MTDH: variants seen among roughly 807,000 people sequenced by gnomAD.
The protein encoded by MTDH is metadherin, also known as protein LYRIC.
In MTDH, 34 loss-of-function variants were observed where a neutral mutation model predicts 72.7. That is an observed-to-expected ratio of 0.47 (90% CI 0.36 to 0.62). The LOEUF (loss-of-function observed/expected upper bound fraction) is 0.62. MTDH is among the 20% of genes least tolerant of loss of function. The probability of loss-of-function intolerance (pLI) is 0.00; values close to 1 mark genes in which losing one functional copy is unlikely to be tolerated. For synonymous variants in MTDH, 266 were observed against 268.9 expected (o/e 0.99, Z 0.10); for missense variants, 677 against 699.4 (o/e 0.97, Z 0.36).
At chr8:97,713,230 G>A (rs1227574193) in intron 8 of MTDH, among the ~76,000 whole-genome samples, 9 of 152,050 alleles carry the variant, frequency 5.9e-5, no homozygotes, top group East Asian at 1.9e-4. Flanking sequence ...GACTACAGGC[G>A]CCTGCCATCA....
chr8:97,657,169 A>G (rs1275945715), intron 1 of MTDH, among the ~76,000 whole-genome samples: 1 of 152,116 alleles, frequency 6.6e-6, no homozygotes, highest in East Asian at 1.9e-4. Context: ...AAAAAGAAAG[A>G]TCCAGGTGTG....
intron 1 of MTDH, among the ~76,000 whole-genome samples, chr8:97,660,291 C>T (rs1488910137): frequency 5.9e-5 from 9 of 152,170 alleles, no homozygotes. Flanking sequence ...GCTTTTGTAG[C>T]CTTTTGTAGG....
rs768795659 is a variant in MTDH at position 97,719,166 on chromosome 8, G to A, written c.1498G>A (p.Glu500Lys). The part of the protein sequence containing the change: ...LKTISTSDPA[E>K]VLVKNSQPIK... The stretch of plus-strand genomic sequence containing the variant: ...GACCATAAGCACTAGTGATCCAGCC[G>A]AAGTACTCGTCAAAAATAGCCAGGT... Residue 500 changes from glutamate to lysine, a missense_variant, in exon 10 of 12, where the codon GAA becomes AAA. This residue lies in a region of MTDH where 201 missense variants were observed against 204.5 expected (regional missense o/e 0.98). Coordinates refer to ENST00000336273, the MANE Select transcript of MTDH (RefSeq NM_178812.4). The A allele has an allele frequency of 6.2e-6, 10 of 1,610,506 alleles. No individual in the cohort carries two copies. The highest frequency in any genetic ancestry group is 3.4e-5 in the Admixed American group (2 of 58,704).
Position 97,644,467 on chromosome 8 carries a change from C to A in MTDH, c.-40C>A. 6.5e-7 allele frequency: 1 copy of A among 1,531,498 alleles called. No individual in the cohort carries two copies. The highest frequency in any genetic ancestry group is 8.7e-7 in the Non-Finnish European group (1 of 1,147,472). 94.9% of individuals were successfully genotyped at this position (1,531,498 alleles called of 1,614,324 possible). A position where few individuals can be genotyped will look rare whatever the true frequency, so the allele number is the denominator to read the frequency against. The stretch of plus-strand genomic sequence containing the variant: ...TCGACTATTCCACTGCGTCTCCGCG[C>A]CCCGGCGTCATCCTGCGAGTCCCTC... On this transcript the variant is annotated 5_prime_UTR_variant, in exon 1 of 12. Coordinates refer to ENST00000336273, the MANE Select transcript of MTDH (RefSeq NM_178812.4).
chr8:97,690,785 G>A (rs1813572881), intron 5 of MTDH, among the ~76,000 whole-genome samples, 167 bp from the exon 6 acceptor site: 1 of 152,176 alleles, frequency 6.6e-6, no homozygotes, highest in Admixed American at 6.5e-5. Flanking sequence ...TAGTATATAT[G>A]TTATGTTCAA....
At chr8:97,702,842 G>A (rs17825342) in intron 7 of MTDH, among the ~76,000 whole-genome samples, 6,702 of 151,602 alleles carry the variant, frequency 0.044, 205 homozygotes, top group Non-Finnish European at 0.067. Flanking sequence ...AAAGACTAGC[G>A]AAGAGATACT....
chr8:97,706,549 C>A, intron 7 of MTDH, 77 bp from the exon 8 acceptor site: 1 of 1,364,680 alleles, frequency 7.3e-7, no homozygotes, highest in Non-Finnish European at 9.7e-7. Flanking sequence ...CTTAGTTGAA[C>A]ATAAGGAATT....
intron 7 of MTDH, 27 bp downstream of exon 7, chr8:97,699,879 AT>A (rs76537339): frequency 0.22 from 323,459 of 1,459,136 alleles, 39,139 homozygotes; most frequent in East Asian, 0.36. Flanking sequence ...ATTATCAGTT[AT>A]TTTTTTTCAG....
At chr8:97,675,731 G>T (rs952445689) in intron 2 of MTDH, among the ~76,000 whole-genome samples, 1 of 151,756 alleles carries the variant, frequency 6.6e-6, no homozygotes, top group African/African-American at 2.4e-5. Flanking sequence ...AATTAGCCTG[G>T]TGTGGTAGCG....
chr8:97,713,789 A>G lies in MTDH; in HGVS notation c.1380+20A>G. The G allele has an allele frequency of 6.9e-7, 1 of 1,448,844 alleles. No individual in the cohort carries two copies. Among genetic ancestry groups the G allele is most frequent in the Non-Finnish European group, 9.3e-7 (1 of 1,069,620 alleles). 89.7% of individuals were successfully genotyped at this position (1,448,844 alleles called of 1,614,324 possible). ...GCACAGGTAAAATGTCAGAACAACA[A>G]GCATTCATTAAGCGCCTCCGGCTTA... On this transcript the variant is annotated intron_variant, in intron 9 of 11. Transcript: ENST00000336273.
At chr8:97,715,005 A>G (rs1814803843) in intron 9 of MTDH, among the ~76,000 whole-genome samples, 1 of 151,552 alleles carries the variant, frequency 6.6e-6, no homozygotes, top group African/African-American at 2.4e-5. Context: ...TTTGTATTTT[A>G]GTAGAGACAG....
Position 97,682,249 on chromosome 8 carries a change from TATATATATATATATATATATATATATATA to T in MTDH, c.484-4418_484-4390del, listed in dbSNP as rs1563542345. On this transcript the variant is annotated intron_variant, in intron 2 of 11. Transcript: ENST00000336273. Reference sequence around the variant, plus strand: ...ATTACTTTATATATATATATATATATATATATATATATATATATATATATATATATATTTTTTTTTTTTTTTTTTTTTTT... The same window carrying T: ...ATTACTTTATATATATATATATATATTATTTTTTTTTTTTTTTTTTTTTTT... Among the ~76,000 whole-genome samples, 46 of 5,940 alleles carry T rather than the reference TATATATATATATATATATATATATATATA, an allele frequency of 7.7e-3. 2 individuals are homozygous for T. The highest frequency in any genetic ancestry group is 0.012 in the Non-Finnish European group (35 of 2,870). 3.9% of individuals were successfully genotyped at this position (5,940 alleles called of 152,430 possible).
At position 97,684,244 on chromosome 8, in the gene MTDH, T is replaced by C. The variant is rs1230452234; in HGVS notation, c.484-2424T>C. Among the ~76,000 whole-genome samples, 3 of 152,164 alleles carry C rather than the reference T, an allele frequency of 2.0e-5. 1 individual carries two copies. The highest frequency in any genetic ancestry group is 1.3e-4 in the Admixed American group (2 of 15,278). On this transcript the variant is annotated intron_variant, in intron 2 of 11. Transcript: ENST00000336273. ...TTGTTTTCTTTTACATACTATCTTATTGTGTTGCTTTTTTTATATGAGTTC... is the reference window on the plus strand; with the variant it reads ...TTGTTTTCTTTTACATACTATCTTACTGTGTTGCTTTTTTTATATGAGTTC...
chr8:97,661,434 C>G (rs1218689283), intron 2 of MTDH, among the ~76,000 whole-genome samples: 1 of 152,036 alleles, frequency 6.6e-6, no homozygotes, highest in African/African-American at 2.4e-5. Flanking sequence ...AATTCATTCA[C>G]AACTTGAACA....
At chr8:97,665,628 C>A (rs1812352241) in intron 2 of MTDH, among the ~76,000 whole-genome samples, 1 of 152,044 alleles carries the variant, frequency 6.6e-6, no homozygotes, top group Non-Finnish European at 1.5e-5. Flanking sequence ...AGTAAGTAGG[C>A]ATATGGAGAC....
chr8:97,709,271 C>T (rs1423181117), intron 8 of MTDH, among the ~76,000 whole-genome samples: 7 of 150,694 alleles, frequency 4.6e-5, no homozygotes, highest in Non-Finnish European at 1.0e-4. Context: ...GGACAGTTAA[C>T]AGGCAATGTG....
At chr8:97,685,635 C>T (rs946116502) in intron 2 of MTDH, among the ~76,000 whole-genome samples, 2 of 151,948 alleles carry the variant, frequency 1.3e-5, no homozygotes, top group Admixed American at 6.6e-5. Context: ...TGGCAGGTGC[C>T]TGTAATCCCA....
intron 1 of MTDH, among the ~76,000 whole-genome samples, chr8:97,652,553 C>T (rs1173660022): frequency 5.3e-5 from 8 of 152,144 alleles, no homozygotes; most frequent in African/African-American, 1.9e-4. Flanking sequence ...TGGGTTCTCT[C>T]CCTCCCCAGA....
chr8:97,669,520 A>G (rs1812527465), intron 2 of MTDH, among the ~76,000 whole-genome samples: 2 of 152,020 alleles, frequency 1.3e-5, no homozygotes, highest in African/African-American at 4.8e-5. Context: ...GTAACTTAAT[A>G]TTTTCCCCTC....
Sources: gnomAD v4.1 joint callset for allele counts (sites outside exome capture counted in the v4.1 genomes callset) on GRCh38, gnomAD v4.1.1 for gene constraint, gnomAD v4.1.1 regional missense constraint, MANE v1.5 for transcripts, NCBI Gene and HGNC (gene_info 2026-07-23, HGNC 2026-07-21) for gene names.